The following PLA2G6 variants were observed in gnomAD, a reference collection of about 807,000 sequenced individuals.
PLA2G6 encodes the protein phospholipase A2 group VI.
In PLA2G6, 62 loss-of-function variants were observed where a neutral mutation model predicts 83.8. The ratio of observed to expected loss-of-function variants is 0.74; its 90% CI spans 0.60 to 0.91. The LOEUF (loss-of-function observed/expected upper bound fraction) is 0.91. Among genes scored for constraint, PLA2G6 ranks in the 40% least tolerant of loss-of-function variants. The pLI is 0.00. For synonymous variants in PLA2G6, 417 were observed against 449.8 expected (o/e 0.93, Z 0.92); for missense variants, 944 against 1,102.0 (o/e 0.86, Z 2.03).
At chr22:38,174,819 G>A (rs746311470) in intron 1 of PLA2G6, among the ~76,000 whole-genome samples, 26 of 152,098 alleles carry the variant, frequency 1.7e-4, no homozygotes, top group Admixed American at 1.3e-4. Context: ...TGTGATCAAC[G>A]TGAACACAGG....
chr22:38,142,954 G>A lies in PLA2G6; in HGVS notation c.609+151C>T. 7.6e-6 allele frequency: 6 copies of A among 788,476 alleles called. No homozygotes were observed. The South Asian group carries it at 8.1e-5, about 11-fold the overall frequency. The allele number at this position is 788,476 out of a possible 1,614,324, so 48.8% of individuals were successfully genotyped here. ...GGCTGGGAGGGAAGAGCCAGGGAGGGGTCTGCACCCTCCATGAAGGAGCTC... is the reference window on the plus strand; with the variant it reads ...GGCTGGGAGGGAAGAGCCAGGGAGGAGTCTGCACCCTCCATGAAGGAGCTC... On this transcript the variant is annotated intron_variant, in intron 4 of 16. Transcript: ENST00000332509.
chr22:38,158,679 T>C (rs1005321058), intron 2 of PLA2G6, among the ~76,000 whole-genome samples: 4 of 152,232 alleles, frequency 2.6e-5, no homozygotes, highest in African/African-American at 9.6e-5. Flanking sequence ...ATGGCCAGCA[T>C]AGGTCAGTGT....
chr22:38,142,817 G>A, intron 4 of PLA2G6: 1 of 459,440 alleles, frequency 2.2e-6, no homozygotes, highest in Non-Finnish European at 4.0e-6. Flanking sequence ...AGGAAAAGTG[G>A]AACTGAACTA....
intron 5 of PLA2G6, chr22:38,138,545 G>A (rs1037485108): frequency 1.3e-5 from 2 of 152,460 alleles, no homozygotes; most frequent in African/African-American, 4.8e-5. Context: ...ATGAGATTCT[G>A]GGTGGCTGGG....
chr22:38,133,032 C>T lies in PLA2G6; in HGVS notation c.895-19G>A. The T allele has an allele frequency of 6.4e-7, 1 of 1,552,732 alleles. No individual in the cohort carries two copies. The highest frequency in any genetic ancestry group is 8.7e-7 in the Non-Finnish European group (1 of 1,151,058). Reference sequence around the variant, plus strand: ...GGGCCATCTGCGGGAGACGGTCAGGCTGAGTTAGCACAGGCACTCGGGGAG... The same window carrying T: ...GGGCCATCTGCGGGAGACGGTCAGGTTGAGTTAGCACAGGCACTCGGGGAG... On this transcript the variant is annotated intron_variant, in intron 6 of 16. Transcript: ENST00000332509.
chr22:38,161,805 G>C (rs1335613897), intron 2 of PLA2G6, among the ~76,000 whole-genome samples: 1 of 152,142 alleles, frequency 6.6e-6, no homozygotes. Flanking sequence ...TGCAGGCTGA[G>C]GGGAGGGAAG....
chr22:38,167,202 T>C (rs1005126215), intron 2 of PLA2G6, among the ~76,000 whole-genome samples: 8 of 136,396 alleles, frequency 5.9e-5, no homozygotes, highest in African/African-American at 2.0e-4. Flanking sequence ...TACTCCAGCC[T>C]GGGTGACAGA....
At chr22:38,157,601 C>G (rs2089834531) in intron 2 of PLA2G6, among the ~76,000 whole-genome samples, 1 of 152,144 alleles carries the variant, frequency 6.6e-6, no homozygotes, top group African/African-American at 2.4e-5. Flanking sequence ...CAAACTCATT[C>G]TATGAGGCCA....
chr22:38,137,314 G>A (rs73172616), intron 5 of PLA2G6: 14,165 of 152,456 alleles, frequency 0.093, 744 homozygotes, highest in East Asian at 0.15. Flanking sequence ...GGCCAGCTCC[G>A]GCTAGTGTCC....
chr22:38,146,195 C>T, intron 2 of PLA2G6: 1 of 169,028 alleles, frequency 5.9e-6, no homozygotes, highest in Non-Finnish European at 1.3e-5. Flanking sequence ...GCTGCCACAC[C>T]TGGCTAATTT....
At chr22:38,167,039 TA>T (rs1243800748) in intron 2 of PLA2G6, among the ~76,000 whole-genome samples, 1 of 151,810 alleles carries the variant, frequency 6.6e-6, no homozygotes, top group African/African-American at 2.4e-5. Context: ...CCATCCTGGC[TA>T]ACATGGTGAA....
rs993933767 is a variant in PLA2G6 at position 38,123,898 on chromosome 22, C to A, written c.1428-640G>T. Among the ~76,000 whole-genome samples, 9 of 152,148 alleles carry A rather than the reference C, an allele frequency of 5.9e-5. No individual in the cohort carries two copies. The highest frequency in any genetic ancestry group is 1.2e-4 in the African/African-American group (5 of 41,430). Reference sequence around the variant, plus strand: ...TTGCCCAGGCTGGAGTGCAATAACGCGATCTCGGCTCACCGCAACCTCTGC... The same window carrying A: ...TTGCCCAGGCTGGAGTGCAATAACGAGATCTCGGCTCACCGCAACCTCTGC... On this transcript the variant is annotated intron_variant, in intron 10 of 16. Coordinates refer to ENST00000332509, the MANE Select transcript of PLA2G6 (RefSeq NM_003560.4). The surrounding 1 kb of genome is among the most constrained non-coding windows in gnomAD (Gnocchi z 4.1).
intron 2 of PLA2G6, among the ~76,000 whole-genome samples, chr22:38,168,961 A>C (rs2090329090): frequency 6.6e-6 from 1 of 152,060 alleles, no homozygotes; most frequent in South Asian, 2.1e-4. Context: ...CCCTTTGTCC[A>C]TATAGGTCGA....
At chr22:38,112,692 A>G (rs1184866166) in intron 15 of PLA2G6, 115 bp from the exon 16 acceptor site, 2 of 843,800 alleles carry the variant, frequency 2.4e-6, no homozygotes, top group Non-Finnish European at 3.9e-6. Flanking sequence ...GGCTCTTTCG[A>G]GTCAGGCTGA....
At chr22:38,151,875 C>G (rs1291345415) in intron 2 of PLA2G6, among the ~76,000 whole-genome samples, 1 of 152,172 alleles carries the variant, frequency 6.6e-6, no homozygotes, top group African/African-American at 2.4e-5. Context: ...TTGTTGTTGT[C>G]AAAGTTTTGC....
At chr22:38,152,636 A>G (rs2089612404) in intron 2 of PLA2G6, among the ~76,000 whole-genome samples, 1 of 152,234 alleles carries the variant, frequency 6.6e-6, no homozygotes, top group Admixed American at 6.5e-5. Context: ...TGAGACAAAT[A>G]AAACCTCTTT....
chr22:38,117,718 C>T (rs1197067606), intron 12 of PLA2G6, among the ~76,000 whole-genome samples: 2 of 152,096 alleles, frequency 1.3e-5, no homozygotes, highest in East Asian at 1.9e-4. Context: ...TTCTGACACA[C>T]GCTACAACAT....
chr22:38,127,121 G>C, intron 9 of PLA2G6: 1 of 1,126,232 alleles, frequency 8.9e-7, no homozygotes, highest in Non-Finnish European at 1.1e-6. Flanking sequence ...GGTGCCTGGT[G>C]CAGCAGCCCG....
At chr22:38,112,622 C>G in intron 15 of PLA2G6, 45 bp from the exon 16 acceptor site, 26 of 1,485,364 alleles carry the variant, frequency 1.8e-5, no homozygotes, top group Non-Finnish European at 2.4e-5. Flanking sequence ...ACACCCCGCC[C>G]GGCCCGCACC....
Sources: allele counts gnomAD v4.1 joint callset (sites outside exome capture counted in the v4.1 genomes callset), GRCh38; gene constraint gnomAD v4.1.1; non-coding constraint Gnocchi (gnomAD v3.1); transcripts MANE v1.5; gene names NCBI Gene and HGNC (gene_info 2026-07-23, HGNC 2026-07-21).